Variants in CDC26 observed in about 807,000 individuals in gnomAD.
CDC26 encodes anaphase-promoting complex subunit CDC26.
A neutral mutation model predicts 8.0 loss-of-function variants in CDC26; 2 were observed. The observed-to-expected ratio is 0.25, with a 90% CI of 0.10 to 0.79. CDC26 has a LOEUF of 0.79. Ranked by LOEUF, CDC26 falls within the 30% of genes least tolerant of loss-of-function variation. The pLI is 0.70. For synonymous variants in CDC26, 19 were observed against 34.9 expected (o/e 0.55, Z 1.60); for missense variants, 68 against 106.0 (o/e 0.64, Z 1.57).
chr9:113,270,282 T>C (rs750668562), intron 3 of CDC26, among the ~76,000 whole-genome samples: 1 of 152,202 alleles, frequency 6.6e-6, no homozygotes, highest in Admixed American at 6.5e-5. Context: ...TCATATGCCA[T>C]GCTAGGGAAT....
chr9:113,267,710 G>A (rs554900534), intron 3 of CDC26, among the ~76,000 whole-genome samples: 8 of 151,888 alleles, frequency 5.3e-5, no homozygotes, highest in Non-Finnish European at 1.2e-4. Context: ...AAAATTTGGC[G>A]GGGCACGGTG....
intron 3 of CDC26, among the ~76,000 whole-genome samples, chr9:113,268,443 C>T (rs193077560): frequency 1.2e-4 from 18 of 152,318 alleles, no homozygotes; most frequent in African/African-American, 4.3e-4. Context: ...TTTTCAAAAA[C>T]AGACACTTAT....
At chr9:113,273,821 C>CAAA (rs149642304) in intron 1 of CDC26, among the ~76,000 whole-genome samples, 110 of 53,246 alleles carry the variant, frequency 2.1e-3, no homozygotes, top group Middle Eastern at 0.015. Flanking sequence ...GACCCCAACT[C>CAAA]AAAAAAAAAA....
chr9:113,270,307 G>A (rs1001776018), intron 3 of CDC26, among the ~76,000 whole-genome samples: 1 of 152,144 alleles, frequency 6.6e-6, no homozygotes, highest in Non-Finnish European at 1.5e-5. Context: ...AATTTATTCT[G>A]TAGACCACTG....
intron 3 of CDC26, among the ~76,000 whole-genome samples, chr9:113,271,161 G>T (rs1831950510): frequency 6.6e-6 from 1 of 152,160 alleles, no homozygotes; most frequent in Admixed American, 6.5e-5. Context: ...CTGGCCTGAG[G>T]AACTGAATCA....
chr9:113,267,929 G>A (rs1208951666), intron 3 of CDC26, among the ~76,000 whole-genome samples: 1 of 152,206 alleles, frequency 6.6e-6, no homozygotes, highest in East Asian at 1.9e-4. Context: ...GGAGGTTGCA[G>A]AGAGCTGAGA....
intron 1 of CDC26, among the ~76,000 whole-genome samples, chr9:113,274,339 G>A (rs573046575): frequency 6.6e-6 from 1 of 152,228 alleles, no homozygotes; most frequent in South Asian, 2.1e-4. Flanking sequence ...GTATACAAAG[G>A]AAGAAATAGT....
chr9:113,274,659 A>G (rs1394283674), intron 1 of CDC26, among the ~76,000 whole-genome samples: 1 of 152,226 alleles, frequency 6.6e-6, no homozygotes, highest in East Asian at 1.9e-4. Flanking sequence ...TTTTAATCCC[A>G]CTACACCACC....
intron 1 of CDC26, among the ~76,000 whole-genome samples, chr9:113,274,632 A>G (rs2118566331): frequency 6.6e-6 from 1 of 152,298 alleles, no homozygotes; most frequent in South Asian, 2.1e-4. Flanking sequence ...CTGGCTGTAG[A>G]GGTTAAAGGG....
At chr9:113,272,632 T>C (rs961609273) in intron 2 of CDC26, 84 bp from the exon 3 acceptor site, 3 of 654,940 alleles carry the variant, frequency 4.6e-6, no homozygotes, top group Admixed American at 5.5e-5. Flanking sequence ...CAAGCATGTA[T>C]ACTAAAGTGA....
Position 113,275,427 on chromosome 9 carries a change from C to G in CDC26, c.-197G>C, listed in dbSNP as rs41276779. 2.1e-4 allele frequency: 70 copies of G among 332,402 alleles called. No individual in the cohort carries two copies. The highest frequency in any genetic ancestry group is 8.4e-4 in the South Asian group (11 of 13,172). 20.6% of individuals were successfully genotyped at this position (332,402 alleles called of 1,614,324 possible). A position where few individuals can be genotyped will look rare whatever the true frequency, so the allele number is the denominator to read the frequency against. On this transcript the variant is annotated 5_prime_UTR_variant, in exon 1 of 4. Coordinates refer to ENST00000374206, the MANE Select transcript of CDC26 (RefSeq NM_139286.4). ...CCCCTTCCCGGAACCTCGGCTCCCC[C>G]CCAACGAAACTACTGCTAAGCCAAC...
intron 3 of CDC26, among the ~76,000 whole-genome samples, chr9:113,269,975 G>A (rs1210373629): frequency 2.6e-5 from 4 of 152,184 alleles, no homozygotes; most frequent in African/African-American, 9.7e-5. Context: ...GTATTGCAGG[G>A]AACAGATGCA....
intron 1 of CDC26, among the ~76,000 whole-genome samples, chr9:113,273,845 A>AG (rs1564234126): frequency 7.0e-6 from 1 of 143,582 alleles, no homozygotes; most frequent in Non-Finnish European, 1.5e-5. Flanking sequence ...AAAAAAAAAA[A>AG]AGGCTCAAGA....
At chr9:113,272,690 TC>T in intron 2 of CDC26, 142 bp from the exon 3 acceptor site, 20 of 481,188 alleles carry the variant, frequency 4.2e-5, no homozygotes, top group East Asian at 7.7e-5. Context: ...ACTTCTAAAG[TC>T]TTTTTTTTTT....
intron 1 of CDC26, among the ~76,000 whole-genome samples, chr9:113,275,070 C>T (rs2118569122): frequency 6.6e-6 from 1 of 152,258 alleles, no homozygotes; most frequent in East Asian, 1.9e-4. Flanking sequence ...AGCTCCTCCG[C>T]CGGGTCTTTA....
chr9:113,275,360 C>T (rs573327598), intron 1 of CDC26, 22 bp downstream of exon 1: 100 of 192,678 alleles, frequency 5.2e-4, no homozygotes, highest in Non-Finnish European at 9.6e-4. Context: ...CAGCCCCGAG[C>T]CGCGCGAGTC....
chr9:113,271,644 G>A (rs1431928226), intron 3 of CDC26, among the ~76,000 whole-genome samples: 1 of 152,090 alleles, frequency 6.6e-6, no homozygotes, highest in East Asian at 1.9e-4. Context: ...ACTAATTTTT[G>A]GCCTATAAAA....
intron 2 of CDC26, 86 bp from the exon 3 acceptor site, chr9:113,272,634 C>A: frequency 6.4e-6 from 4 of 624,080 alleles, no homozygotes; most frequent in South Asian, 1.8e-5. Context: ...AGCATGTATA[C>A]TAAAGTGAAT....
intron 1 of CDC26, among the ~76,000 whole-genome samples, chr9:113,274,925 C>T (rs1832033256): frequency 6.6e-6 from 1 of 152,174 alleles, no homozygotes. Context: ...AAACCTTATC[C>T]TGTTCGTCTC....
Sources: gnomAD v4.1 joint callset for allele counts (sites outside exome capture counted in the v4.1 genomes callset) on GRCh38, gnomAD v4.1.1 for gene constraint, MANE v1.5 for transcripts, NCBI Gene and HGNC (gene_info 2026-07-23, HGNC 2026-07-21) for gene names.